Variants in NRK observed in about 807,000 individuals in gnomAD.
NRK encodes the protein Nik related kinase.
A neutral mutation model predicts 125.2 loss-of-function variants in NRK; 67 were observed. The observed-to-expected ratio is 0.54, with a 90% CI of 0.44 to 0.66. The LOEUF (loss-of-function observed/expected upper bound fraction) is 0.66, where lower values mean the gene tolerates loss of function less well. Ranked by LOEUF, NRK falls within the 30% of genes least tolerant of loss-of-function variation. NRK has a pLI of 0.00. For synonymous variants in NRK, 458 were observed against 429.0 expected (o/e 1.07, Z -0.84); for missense variants, 1,224 against 1,192.9 (o/e 1.03, Z -0.38).
intron 13 of NRK, among the ~76,000 whole-genome samples, chrX:105,911,902 G>A (rs1261766950): frequency 9.0e-6 from 1 of 111,363 alleles, no homozygotes; most frequent in Non-Finnish European, 1.9e-5. Context: ...ATTTTTAAAA[G>A]TCAATAAATA....
intron 3 of NRK, among the ~76,000 whole-genome samples, chrX:105,880,590 A>C (rs1478983686): frequency 1.8e-5 from 2 of 110,968 alleles, no homozygotes; most frequent in Non-Finnish European, 3.8e-5. Context: ...ATTGCTTCTA[A>C]TATTGGGTTA....
intron 19 of NRK, among the ~76,000 whole-genome samples, chrX:105,928,406 T>C (rs1273119750): frequency 9.0e-6 from 1 of 111,668 alleles, no homozygotes; most frequent in Non-Finnish European, 1.9e-5. Context: ...GCTAACGGTT[T>C]GTCCATTTTG....
At chrX:105,859,323 T>C (rs1569294263) in intron 2 of NRK, among the ~76,000 whole-genome samples, 1 of 111,396 alleles carries the variant, frequency 9.0e-6, no homozygotes, top group South Asian at 3.8e-4. Flanking sequence ...AATAGTAAAA[T>C]TGCTAAGATG....
At chrX:105,920,589 C>A (rs753174866) in intron 16 of NRK, among the ~76,000 whole-genome samples, 23 of 109,717 alleles carry the variant, frequency 2.1e-4, no homozygotes, top group African/African-American at 6.6e-4. Context: ...GTTTGTAGTT[C>A]TCCTTGAAGA....
intron 2 of NRK, among the ~76,000 whole-genome samples, chrX:105,848,840 G>C (rs1282665274): frequency 8.9e-6 from 1 of 112,240 alleles, no homozygotes; most frequent in African/African-American, 3.2e-5. Context: ...ACAGAATCTG[G>C]AGATATGTTA....
intron 2 of NRK, among the ~76,000 whole-genome samples, chrX:105,845,546 T>C (rs1049962293): frequency 1.8e-5 from 2 of 112,405 alleles, no homozygotes; most frequent in Non-Finnish European, 3.8e-5. Flanking sequence ...CATATAGTTA[T>C]ACTAAAAAAA....
At chrX:105,837,505 G>A (rs1007410135) in intron 2 of NRK, among the ~76,000 whole-genome samples, 5 of 111,508 alleles carry the variant, frequency 4.5e-5, no homozygotes, top group Non-Finnish European at 7.5e-5. Context: ...GCTGAAGTCT[G>A]TGCACATTGA....
intron 20 of NRK, 113 bp from the exon 21 acceptor site, chrX:105,935,057 A>T: frequency 1.8e-6 from 1 of 558,378 alleles, no homozygotes. Flanking sequence ...ATTTAAAAAA[A>T]ATTTTTCTAT....
intron 2 of NRK, among the ~76,000 whole-genome samples, chrX:105,871,650 G>T (rs1027005397): frequency 2.7e-5 from 3 of 111,350 alleles, no homozygotes; most frequent in Non-Finnish European, 5.7e-5. Context: ...TACCCTTAGG[G>T]AGCTGCCAAT....
At chrX:105,843,092 AT>A (rs1287774662) in intron 2 of NRK, among the ~76,000 whole-genome samples, 1 of 111,819 alleles carries the variant, frequency 8.9e-6, no homozygotes, top group Non-Finnish European at 1.9e-5. Context: ...TACTCTTAGA[AT>A]ACCTAGTAAA....
rs141462237 is a variant in NRK, at chrX:105,884,894, G to A, written c.252+3115G>A. Among the ~76,000 whole-genome samples, 289 of 111,864 alleles carry A rather than the reference G, an allele frequency of 2.6e-3. 2 individuals carry two copies. Among genetic ancestry groups the A allele is most frequent in the African/African-American group, 9.2e-3 (283 of 30,833 alleles). On this transcript the variant is annotated intron_variant, in intron 4 of 28. Transcript: ENST00000243300. ...CAATCTTGGCCTCCTGGGTTCAAGT[G>A]GTTCTCCTGCCTCAGCCTCCCCAGT...
chrX:105,824,712 AG>A (rs2039070400), intron 1 of NRK, among the ~76,000 whole-genome samples: 1 of 110,818 alleles, frequency 9.0e-6, no homozygotes, highest in East Asian at 2.8e-4. Context: ...AGGAGATAAG[AG>A]GAAAGTCTGC....
chrX:105,875,260 CTT>C (rs1312183358), intron 2 of NRK, among the ~76,000 whole-genome samples: 1 of 111,449 alleles, frequency 9.0e-6, no homozygotes, highest in African/African-American at 3.3e-5. Flanking sequence ...ACTTCATTCA[CTT>C]TTTGAAATTC....
chrX:105,941,702 A>G, intron 23 of NRK, among the ~76,000 whole-genome samples: 1 of 111,267 alleles, frequency 9.0e-6, no homozygotes, highest in Admixed American at 9.6e-5. Context: ...GGGCTAATCA[A>G]GAGCAAGCAT....
At chrX:105,829,671 C>T (rs2039160344) in intron 1 of NRK, among the ~76,000 whole-genome samples, 2 of 111,738 alleles carry the variant, frequency 1.8e-5, no homozygotes, top group African/African-American at 6.5e-5. Context: ...CCTCATAACT[C>T]TATCCCAAAA....
chrX:105,822,887 T>G lies in NRK; in HGVS notation c.42T>G (p.Asp14Glu), dbSNP rs2039040250. 1 of 1,168,874 alleles carries G rather than the reference T, an allele frequency of 8.6e-7. No homozygotes were observed. The highest frequency in any genetic ancestry group is 1.1e-6 in the Non-Finnish European group (1 of 873,367). The stretch of plus-strand genomic sequence containing the variant: ...GCTGGAGGGACAGGGAGGTCACGGA[T>G]CTGGGCCACCTGCCGGTGAGTAGAG... ...PGGWRDREVT[D>E]LGHLPDPTGI... Residue 14 changes from aspartate (D) to glutamate (E), a missense_variant, in exon 1 of 29, where the codon GAT becomes GAG. Asp to Glu is a conservative substitution (Grantham distance 45). Coordinates refer to ENST00000243300, the MANE Select transcript of NRK (RefSeq NM_198465.4).
intron 9 of NRK, among the ~76,000 whole-genome samples, chrX:105,900,902 TC>T (rs2040148821): frequency 9.0e-6 from 1 of 111,564 alleles, no homozygotes. Flanking sequence ...CTTGTACTTT[TC>T]TTTCTTATAA....
intron 2 of NRK, among the ~76,000 whole-genome samples, chrX:105,860,742 A>G (rs1218401865): frequency 9.0e-6 from 1 of 110,571 alleles, no homozygotes; most frequent in Non-Finnish European, 1.9e-5. Flanking sequence ...AACTGCAATT[A>G]CTTTTGCACC....
intron 2 of NRK, among the ~76,000 whole-genome samples, chrX:105,851,809 T>C (rs1210184214): frequency 9.0e-6 from 1 of 111,115 alleles, no homozygotes; most frequent in African/African-American, 3.3e-5. Flanking sequence ...CCAATTGCCC[T>C]TGATGAAGGG....
Sources: gnomAD v4.1 joint callset for allele counts (sites outside exome capture counted in the v4.1 genomes callset) on GRCh38, gnomAD v4.1.1 for gene constraint, MANE v1.5 for transcripts, NCBI Gene and HGNC (gene_info 2026-07-23, HGNC 2026-07-21) for gene names.